Variants in ANO10 observed in about 807,000 individuals in gnomAD.
The protein encoded by ANO10 is anoctamin 10, also known as anoctamin-10.
A neutral mutation model predicts 74.7 loss-of-function variants in ANO10; 77 were observed. That is an observed-to-expected ratio of 1.03 (90% confidence interval 0.86 to 1.25). The LOEUF is 1.25. ANO10 is among the 50% of genes most tolerant of loss of function. The probability of loss-of-function intolerance (pLI) is 0.00; values close to 1 mark genes in which losing one functional copy is unlikely to be tolerated. For synonymous variants in ANO10, 279 were observed against 284.9 expected, an observed-to-expected ratio of 0.98 and a Z score of 0.21; for missense variants, 721 against 778.1, an observed-to-expected ratio of 0.93 and a Z score of 0.87.
At chr3:43,647,927 G>A (rs2083743775) in intron 1 of ANO10, among the ~76,000 whole-genome samples, 1 of 152,138 alleles carries the variant, frequency 6.6e-6, no homozygotes, top group African/African-American at 2.4e-5. Context: ...CATAGCTGTG[G>A]CCTCAACTAC....
intron 11 of ANO10, among the ~76,000 whole-genome samples, chr3:43,534,212 T>C (rs2078598863): frequency 6.6e-6 from 1 of 152,208 alleles, no homozygotes; most frequent in South Asian, 2.1e-4. Flanking sequence ...AGTTTGCACA[T>C]GCTGTCAGCT....
At chr3:43,428,965 G>A (rs1448942491) in intron 12 of ANO10, among the ~76,000 whole-genome samples, 6 of 151,966 alleles carry the variant, frequency 3.9e-5, no homozygotes, top group Non-Finnish European at 8.8e-5. Flanking sequence ...TACTCAACTT[G>A]TATGAGAGAG....
chr3:43,623,375 A>G (rs2083459803), upstream of ANO10, among the ~76,000 whole-genome samples: 1 of 152,170 alleles, frequency 6.6e-6, no homozygotes, highest in Non-Finnish European at 1.5e-5. Flanking sequence ...GTATGTATGT[A>G]TGTGTAGGAA....
At position 43,375,047 on chromosome 3, in the gene ANO10, G is replaced by A. The variant is rs566899422; in HGVS notation, c.1915-8073C>T. 5.5e-4 allele frequency among the ~76,000 whole-genome samples: 84 copies of A among 151,786 alleles called. 1 individual carries two copies. Among genetic ancestry groups the A allele is most frequent in the African/African-American group, 1.9e-3 (80 of 41,346 alleles). On this transcript the variant is annotated intron_variant, in intron 12 of 12. Transcript: ENST00000292246. ...GAGGCAGGAGAACCACATGAACCCG[G>A]GAGGCGGAGGGTGCAGTGAGCCGAG...
intron 12 of ANO10, among the ~76,000 whole-genome samples, chr3:43,424,050 C>T (rs2092861074): frequency 6.6e-6 from 1 of 152,204 alleles, no homozygotes; most frequent in African/African-American, 2.4e-5. Context: ...TCATCATCCT[C>T]ATTCCCCCAA....
intron 11 of ANO10, among the ~76,000 whole-genome samples, chr3:43,506,851 C>G (rs1373700532): frequency 2.0e-5 from 3 of 152,154 alleles, no homozygotes; most frequent in Non-Finnish European, 1.5e-5. Flanking sequence ...TATCTCCCTT[C>G]CTCACCTTAT....
chr3:43,631,589 T>A (rs1381959517), intron 1 of ANO10, among the ~76,000 whole-genome samples: 1 of 152,122 alleles, frequency 6.6e-6, no homozygotes, highest in South Asian at 2.1e-4. Flanking sequence ...GCTTTTTTTT[T>A]CTTTCTGAGA....
chr3:43,656,332 C>G (rs1047265327), intron 1 of ANO10, among the ~76,000 whole-genome samples: 1 of 152,248 alleles, frequency 6.6e-6, no homozygotes, highest in Non-Finnish European at 1.5e-5. Flanking sequence ...TTCTCCACGT[C>G]CCCACCAGAC....
rs1026703920 is a variant in ANO10, at chr3:43,382,564, GAAAC to G, written c.1915-15594_1915-15591del. On this transcript the variant is annotated intron_variant, in intron 12 of 12. Transcript: ENST00000292246. The stretch of plus-strand genomic sequence containing the variant: ...AACCAAGATCAGAGCAGAACTAAAT[GAAAC>G]AAACAAACAAACAAAAACAATACAA... Among the ~76,000 whole-genome samples, 17 of 151,448 alleles carry G rather than the reference GAAAC, an allele frequency of 1.1e-4. No individual in the cohort carries two copies. In the South Asian group the frequency reaches 2.1e-3, roughly 19 times the overall value.
chr3:43,548,914 A>C (rs973687198), intron 11 of ANO10, among the ~76,000 whole-genome samples: 3 of 152,356 alleles, frequency 2.0e-5, no homozygotes, highest in Admixed American at 6.5e-5. Context: ...TTTGCATGTG[A>C]AATTATCTAT....
chr3:43,634,340 A>T (rs891104662), intron 1 of ANO10, among the ~76,000 whole-genome samples: 2 of 152,212 alleles, frequency 1.3e-5, no homozygotes, highest in African/African-American at 2.4e-5. Context: ...AGCACTTAGT[A>T]TAAAAATAAA....
At chr3:43,527,105 T>C (rs956495301) in intron 11 of ANO10, among the ~76,000 whole-genome samples, 14 of 151,580 alleles carry the variant, frequency 9.2e-5, no homozygotes, top group Non-Finnish European at 2.1e-4. Flanking sequence ...TTACACAAGA[T>C]TTAAATCATA....
At chr3:43,552,419 T>A (rs1011397851) in intron 10 of ANO10, among the ~76,000 whole-genome samples, 1 of 151,996 alleles carries the variant, frequency 6.6e-6, no homozygotes, top group African/African-American at 2.4e-5. Flanking sequence ...TACATATATT[T>A]AGAATCATTG....
At chr3:43,399,372 T>C (rs534051046) in intron 12 of ANO10, among the ~76,000 whole-genome samples, 5 of 152,250 alleles carry the variant, frequency 3.3e-5, no homozygotes, top group Non-Finnish European at 7.3e-5. Flanking sequence ...GCAATACTTT[T>C]TCAAATCTTT....
At chr3:43,424,351 A>C (rs1226812925) in intron 12 of ANO10, among the ~76,000 whole-genome samples, 1 of 152,352 alleles carries the variant, frequency 6.6e-6, no homozygotes, top group Non-Finnish European at 1.5e-5. Context: ...TTATAGTTTA[A>C]CTTTGAAACA....
chr3:43,482,852 A>T (rs2076324353), intron 11 of ANO10, among the ~76,000 whole-genome samples: 1 of 152,082 alleles, frequency 6.6e-6, no homozygotes, highest in African/African-American at 2.4e-5. Flanking sequence ...TGGGCAGGGT[A>T]CAGGGCAGGG....
intron 1 of ANO10, among the ~76,000 whole-genome samples, chr3:43,653,750 C>A (rs895641264): frequency 1.3e-5 from 2 of 152,072 alleles, no homozygotes; most frequent in African/African-American, 2.4e-5. Context: ...TACTAGAGTG[C>A]CTACCCAGCA....
chr3:43,561,122 T>C (rs1032790281), intron 9 of ANO10, 98 bp downstream of exon 9: 2 of 1,375,618 alleles, frequency 1.5e-6, no homozygotes, highest in African/African-American at 2.8e-5. Flanking sequence ...TCTAGAATAG[T>C]CACATCTGAG....
At position 43,671,583 on chromosome 3, in the gene ANO10, T is replaced by A. The variant is rs575079697; in HGVS notation, c.-12+19934A>T. Among the ~76,000 whole-genome samples, 265 of 152,162 alleles carry A rather than the reference T, an allele frequency of 1.7e-3. 2 individuals carry two copies. The highest frequency in any genetic ancestry group is 5.8e-3 in the African/African-American group (242 of 41,504). On this transcript the variant is annotated intron_variant, in intron 1 of 3. Coordinates refer to the ANO10 transcript ENST00000413397. ...TTTTAAAGGTCTGATACTGAAAAAA[T>A]TTTTACAATAAAAATGAAACAGTTT...
Sources: gnomAD v4.1 joint callset for allele counts (sites outside exome capture counted in the v4.1 genomes callset) on GRCh38, gnomAD v4.1.1 for gene constraint, MANE v1.5 for transcripts, NCBI Gene and HGNC (gene_info 2026-07-23, HGNC 2026-07-21) for gene names.